Variants in RFC1 observed in about 807,000 individuals in gnomAD.
RFC1 encodes A1 140 kDa subunit.
RFC1 carries 37 observed loss-of-function variants against 137.4 expected under a neutral mutation model. The observed-to-expected ratio is 0.27, with a 90% CI of 0.21 to 0.35. The LOEUF (loss-of-function observed/expected upper bound fraction) is 0.35, where lower values mean the gene tolerates loss of function less well. Among genes scored for constraint, RFC1 ranks in the 10% least tolerant of loss-of-function variants. The probability of loss-of-function intolerance (pLI) is 1.00; values close to 1 mark genes in which losing one functional copy is unlikely to be tolerated. For missense variants in RFC1, 1,205 were observed against 1,358.5 expected (o/e 0.89, Z 1.78); for synonymous variants, 429 against 455.7 (o/e 0.94, Z 0.75).
intron 21 of RFC1, 70 bp from the exon 22 acceptor site, chr4:39,295,829 T>G (rs889998876): frequency 3.4e-5 from 49 of 1,432,016 alleles, no homozygotes; most frequent in Non-Finnish European, 4.2e-5. Context: ...AGTCATTGGC[T>G]TCCAAACAGT....
chr4:39,332,958 T>C lies in RFC1; in HGVS notation c.332-5202A>G, dbSNP rs537320749. ...AAGAGCAAGACCCCATCTCTACAAA[T>C]ACAATAAGACAAAATTTTAGAGGCT... is the stretch of plus-strand genomic sequence containing the variant. On this transcript the variant is annotated intron_variant, in intron 4 of 24. Transcript: ENST00000349703. Among the ~76,000 whole-genome samples, 30 of 152,218 alleles carry C rather than the reference T, an allele frequency of 2.0e-4. 1 individual carries two copies. In the East Asian group the frequency reaches 4.1e-3, roughly 21 times the overall value.
At chr4:39,291,946 A>G (rs2109577029) in intron 22 of RFC1, 94 bp from the exon 23 acceptor site, 1 of 891,416 alleles carries the variant, frequency 1.1e-6, no homozygotes, top group South Asian at 1.5e-5. Context: ...GCAGAGTTCA[A>G]TCCAATTTCA....
At chr4:39,289,558 T>G (rs564836910) in intron 24 of RFC1, 5 of 279,918 alleles carry the variant, frequency 1.8e-5, no homozygotes, top group African/African-American at 1.1e-4. Context: ...ACAAACATTT[T>G]TCTTGAAAGC....
chr4:39,289,526 C>A, intron 24 of RFC1: 3 of 234,624 alleles, frequency 1.3e-5, no homozygotes, highest in South Asian at 7.9e-5. Flanking sequence ...AAAACATAAG[C>A]AACAGAAGAA....
At chr4:39,352,555 A>C (rs1237188842) in intron 1 of RFC1, among the ~76,000 whole-genome samples, 1 of 152,220 alleles carries the variant, frequency 6.6e-6, no homozygotes, top group East Asian at 1.9e-4. Context: ...AGTGCTTTTT[A>C]ACTGTGTGAT....
At chr4:39,316,086 C>T (rs1332861295) in intron 10 of RFC1, among the ~76,000 whole-genome samples, 2 of 152,156 alleles carry the variant, frequency 1.3e-5, no homozygotes, top group African/African-American at 2.4e-5. Flanking sequence ...CAAAATTAGC[C>T]AGGCATGGTG....
At chr4:39,312,973 A>G (rs766854017) in intron 10 of RFC1, 42 bp from the exon 11 acceptor site, 1 of 1,476,242 alleles carries the variant, frequency 6.8e-7, no homozygotes. Flanking sequence ...ATTACATGGT[A>G]GCTTTCCAAA....
In RFC1 at chr4:39,318,015, G is replaced by T. The variant is rs1455075363; in HGVS notation, c.1096-993C>A. ...ACTAAAAAAATACAAAAACTAGCCA[G>T]GCTTGGTGGCGGGCGCCTGCAGTCC... On this transcript the variant is annotated intron_variant, in intron 9 of 24. Coordinates refer to ENST00000349703, the MANE Select transcript of RFC1 (RefSeq NM_002913.5). The T allele has an allele frequency of 2.6e-5, 4 of 152,266 alleles. 1 individual carries two copies. The highest frequency in any genetic ancestry group is 9.7e-5 in the African/African-American group (4 of 41,436). 9.4% of individuals were successfully genotyped at this position (152,266 alleles called of 1,614,324 possible).
chr4:39,351,061 T>C (rs534110248), intron 2 of RFC1, among the ~76,000 whole-genome samples: 11 of 151,778 alleles, frequency 7.2e-5, no homozygotes, highest in South Asian at 2.1e-4. Flanking sequence ...CCATCCTGGC[T>C]AACACGGTGA....
intron 23 of RFC1, 58 bp downstream of exon 23, chr4:39,291,581 T>C: frequency 8.3e-7 from 1 of 1,203,220 alleles, no homozygotes; most frequent in Non-Finnish European, 1.2e-6. Context: ...TCCGAAGTAT[T>C]GTCAGTACAA....
At chr4:39,306,059 A>G (rs1030153561) in intron 14 of RFC1, among the ~76,000 whole-genome samples, 2 of 152,260 alleles carry the variant, frequency 1.3e-5, no homozygotes, top group Non-Finnish European at 2.9e-5. Context: ...CTAGTGCCTA[A>G]GCAAGTCAAG....
At chr4:39,339,094 A>C (rs1414430615) in intron 4 of RFC1, among the ~76,000 whole-genome samples, 1 of 151,862 alleles carries the variant, frequency 6.6e-6, no homozygotes, top group Non-Finnish European at 1.5e-5. Flanking sequence ...TTTTTTTTTA[A>C]AGCCAAATAA....
At chr4:39,354,872 A>G (rs1293807810) in intron 1 of RFC1, among the ~76,000 whole-genome samples, 1 of 151,158 alleles carries the variant, frequency 6.6e-6, no homozygotes, top group Non-Finnish European at 1.5e-5. Context: ...GCTTGAGACC[A>G]GCAGTTTGAG....
chr4:39,306,114 G>A (rs1738636684), intron 14 of RFC1, among the ~76,000 whole-genome samples: 1 of 152,154 alleles, frequency 6.6e-6, no homozygotes, highest in South Asian at 2.1e-4. Context: ...GAGACAATAG[G>A]AACGAAGGCA....
In RFC1 at chr4:39,359,012, A is replaced by G. The variant is rs146041549; in HGVS notation, c.3+7227T>C. 2.3e-3 allele frequency among the ~76,000 whole-genome samples: 354 copies of G among 152,258 alleles called. 6 individuals carry two copies. The South Asian group carries it at 0.046, about 20-fold the overall frequency. Reference sequence around the variant, plus strand: ...CTCCCAAAGGTGCCTCTAACTAATAATGTCCTCAACTAAATTTATCTTCAG... The same window carrying G: ...CTCCCAAAGGTGCCTCTAACTAATAGTGTCCTCAACTAAATTTATCTTCAG... On this transcript the variant is annotated intron_variant, in intron 1 of 24. Transcript: ENST00000349703.
At chr4:39,295,782 C>G (rs775847790) in intron 21 of RFC1, 23 bp from the exon 22 acceptor site, 2 of 1,602,448 alleles carry the variant, frequency 1.2e-6, no homozygotes, top group Non-Finnish European at 1.7e-6. Context: ...CAATTGCAGT[C>G]CAGAATTTAT....
At chr4:39,306,490 A>ACG (rs142332615) in intron 14 of RFC1, 102 bp downstream of exon 14, 1 of 642,484 alleles carries the variant, frequency 1.6e-6, no homozygotes, top group Non-Finnish European at 2.8e-6. Context: ...TATAGACACC[A>ACG]CACACACACA....
chr4:39,348,440 A>AG (rs1486441699), intron 2 of RFC1, among the ~76,000 whole-genome samples: 11 of 105,948 alleles, frequency 1.0e-4, no homozygotes, highest in South Asian at 2.8e-4. Flanking sequence ...AAAAGAAAAG[A>AG]AAAGAAAAGA....
intron 22 of RFC1, among the ~76,000 whole-genome samples, chr4:39,294,082 G>C (rs1317713423): frequency 3.3e-5 from 5 of 152,190 alleles, no homozygotes; most frequent in African/African-American, 9.7e-5. Flanking sequence ...TCAAGATCAG[G>C]ACTGAGGGTT....
Sources: allele counts gnomAD v4.1 joint callset (sites outside exome capture counted in the v4.1 genomes callset), GRCh38; gene constraint gnomAD v4.1.1; transcripts MANE v1.5; gene names NCBI Gene and HGNC (gene_info 2026-07-23, HGNC 2026-07-21).